The following TMC5 variants were observed in gnomAD, a reference collection of about 807,000 sequenced individuals.
TMC5 encodes the protein transmembrane channel like 5.
In TMC5, 86 loss-of-function variants were observed where a neutral mutation model predicts 110.5. The ratio of observed to expected loss-of-function variants is 0.78; its 90% confidence interval spans 0.65 to 0.93. The LOEUF (loss-of-function observed/expected upper bound fraction) is 0.93, where lower values mean the gene tolerates loss of function less well. TMC5 is among the 40% of genes least tolerant of loss of function. The pLI is 0.00. For synonymous variants in TMC5, 455 were observed against 439.5 expected, an observed-to-expected ratio of 1.04 and a Z score of -0.44; for missense variants, 1,144 against 1,222.8, an observed-to-expected ratio of 0.94 and a Z score of 0.96.
intron 6 of TMC5, chr16:19,462,508 G>T (rs1968049336): frequency 4.3e-6 from 3 of 701,856 alleles, no homozygotes; most frequent in Non-Finnish European, 7.8e-6. Context: ...CACAGCAGGG[G>T]AGGCCTCACA....
At chr16:19,486,779 A>G in intron 15 of TMC5, 166 bp from the exon 16 acceptor site, 1 of 622,536 alleles carries the variant, frequency 1.6e-6, no homozygotes, top group Non-Finnish European at 2.8e-6. Context: ...GTCTCCAAAT[A>G]CAGTCACATT....
chr16:19,487,091 G>A, intron 16 of TMC5, 71 bp downstream of exon 16: 2 of 1,609,704 alleles, frequency 1.2e-6, no homozygotes, highest in East Asian at 4.5e-5. Context: ...CTTAAAGCTG[G>A]GGAAGGGGGC....
intron 4 of TMC5, 39 bp downstream of exon 4, chr16:19,444,289 A>T: frequency 1.9e-6 from 3 of 1,594,112 alleles, no homozygotes; most frequent in Non-Finnish European, 2.6e-6. Context: ...CCTGGGAAAA[A>T]ACTGAAATCA....
intron 3 of TMC5, 105 bp downstream of exon 3, chr16:19,440,931 G>A (rs146008905): frequency 8.5e-5 from 99 of 1,169,120 alleles, no homozygotes; most frequent in African/African-American, 3.7e-4. Context: ...TATATATGAC[G>A]GTTTCTATGA....
At chr16:19,466,958 A>G (rs1394929188) in intron 9 of TMC5, among the ~76,000 whole-genome samples, 2 of 152,092 alleles carry the variant, frequency 1.3e-5, no homozygotes, top group Admixed American at 6.6e-5. Flanking sequence ...TGGACTGGGC[A>G]ACATACCAAA....
rs542207100 is a variant in TMC5 at position 19,456,602 on chromosome 16, A to G, written c.1049-3633A>G. ...GTGAATGGTGTATCCCTTTGTGATCATCATCACTTTTTCCCTGCGAGTCCC... is the reference window on the plus strand; with the variant it reads ...GTGAATGGTGTATCCCTTTGTGATCGTCATCACTTTTTCCCTGCGAGTCCC... On this transcript the variant is annotated intron_variant, in intron 5 of 21. Coordinates refer to ENST00000542583, the MANE Select transcript of TMC5 (RefSeq NM_001261841.2). 6 of 1,504,466 alleles carry G rather than the reference A, an allele frequency of 4.0e-6. No individual in the cohort carries two copies. In the South Asian group the frequency reaches 8.3e-5, roughly 21 times the overall value. 93.2% of individuals were successfully genotyped at this position (1,504,466 alleles called of 1,614,324 possible).
In TMC5 at chr16:19,438,435, G is replaced by GAGAA. The variant is rs71143882; in HGVS notation, c.-79-1503_-79-1500dup. Among the ~76,000 whole-genome samples the GAGAA allele has an allele frequency of 2.2e-3, 226 of 103,930 alleles. 8 individuals are homozygous for GAGAA. The highest frequency in any genetic ancestry group is 5.7e-3 in the East Asian group (18 of 3,170). The allele number at this position is 103,930 out of a possible 152,430, so 68.2% of individuals were successfully genotyped here. On this transcript the variant is annotated intron_variant, in intron 2 of 21. Transcript: ENST00000542583. ...AAGAAAGAAAAGAAAAAGAAAGAAA[G>GAGAA]AGAAAGAAAGAAAGAAAGAAAGAAA...
chr16:19,494,032 G>C (rs960178990), intron 19 of TMC5, among the ~76,000 whole-genome samples: 8 of 152,234 alleles, frequency 5.3e-5, no homozygotes, highest in African/African-American at 1.9e-4. Context: ...CCTGTTAGGG[G>C]AATTGCTTTA....
intron 4 of TMC5, among the ~76,000 whole-genome samples, chr16:19,448,664 A>G (rs1967673975): frequency 7.4e-6 from 1 of 135,066 alleles, no homozygotes; most frequent in Admixed American, 8.4e-5. Flanking sequence ...TTTATATTAT[A>G]TTTTATATTA....
intron 9 of TMC5, 53 bp from the exon 10 acceptor site, chr16:19,469,628 T>G: frequency 6.2e-7 from 1 of 1,608,198 alleles, no homozygotes; most frequent in South Asian, 1.1e-5. Context: ...AGCCCTGCAC[T>G]CCCAGTGACG....
chr16:19,429,338 G>T (rs1967149417), intron 1 of TMC5, among the ~76,000 whole-genome samples: 1 of 152,184 alleles, frequency 6.6e-6, no homozygotes, highest in Admixed American at 6.5e-5. Flanking sequence ...GGAAGCTATT[G>T]CTCTCACTTG....
intron 2 of TMC5, among the ~76,000 whole-genome samples, chr16:19,437,353 C>T (rs1281648098): frequency 6.6e-6 from 1 of 152,196 alleles, no homozygotes; most frequent in Non-Finnish European, 1.5e-5. Flanking sequence ...TCATATTCCA[C>T]ACCTGGCCCA....
intron 3 of TMC5, 80 bp from the exon 4 acceptor site, chr16:19,444,001 A>T (rs1967553041): frequency 1.2e-5 from 1 of 84,624 alleles, no homozygotes; most frequent in Admixed American, 2.5e-4. Context: ...GATTGAATGG[A>T]TGGATGGATG....
intron 5 of TMC5, among the ~76,000 whole-genome samples, chr16:19,457,973 C>T (rs1967929286): frequency 6.6e-6 from 1 of 151,752 alleles, no homozygotes; most frequent in South Asian, 2.1e-4. Context: ...ATCTGCCCAC[C>T]TTGACTTCCC....
chr16:19,415,010 A>G (rs1966869764), upstream of TMC5, among the ~76,000 whole-genome samples: 1 of 152,208 alleles, frequency 6.6e-6, no homozygotes, highest in African/African-American at 2.4e-5. Flanking sequence ...ATCTCTAAAA[A>G]AGAAAAATGG....
intron 5 of TMC5, among the ~76,000 whole-genome samples, chr16:19,452,542 C>A (rs1334291646): frequency 6.6e-6 from 1 of 151,666 alleles, no homozygotes; most frequent in Non-Finnish European, 1.5e-5. Context: ...CATGGTGAAA[C>A]CCCGTCTCTA....
intron 7 of TMC5, 120 bp downstream of exon 7, chr16:19,463,487 A>C: frequency 1.1e-6 from 1 of 943,458 alleles, no homozygotes; most frequent in Non-Finnish European, 1.7e-6. Flanking sequence ...GCCCAGAGCC[A>C]ACGGTTAGTA....
chr16:19,469,114 A>G (rs1363672703), intron 9 of TMC5, among the ~76,000 whole-genome samples: 1 of 152,134 alleles, frequency 6.6e-6, no homozygotes, highest in Non-Finnish European at 1.5e-5. Context: ...CTATAGCAGC[A>G]ACAGGGAACT....
chr16:19,494,385 TTGGGGACCCC>T lies in TMC5; in HGVS notation c.2931+24_2931+33del. 6.3e-7 allele frequency: 1 copy of T among 1,599,604 alleles called. No homozygotes were observed. The highest frequency in any genetic ancestry group is 8.6e-7 in the Non-Finnish European group (1 of 1,169,438). ...GGTGGAGGTGAGTCTGGAGGCTGCCTTGGGGACCCCTGGGACACGAGCTTGCCTCCATGTA... is the reference window on the plus strand; with the variant it reads ...GGTGGAGGTGAGTCTGGAGGCTGCCTTGGGACACGAGCTTGCCTCCATGTA... On this transcript the variant is annotated intron_variant, in intron 20 of 21. Transcript: ENST00000542583.
Sources: allele counts gnomAD v4.1 joint callset (sites outside exome capture counted in the v4.1 genomes callset), GRCh38; gene constraint gnomAD v4.1.1; transcripts MANE v1.5; gene names NCBI Gene and HGNC (gene_info 2026-07-23, HGNC 2026-07-21).